NKAIN2: variants seen among roughly 807,000 people sequenced by gnomAD.
The protein encoded by NKAIN2 is sodium/potassium-transporting ATPase subunit beta-1-interacting protein 2.
In NKAIN2, 14 loss-of-function variants were observed where a neutral mutation model predicts 32.6. The observed-to-expected ratio is 0.43, with a 90% confidence interval of 0.28 to 0.67. The LOEUF is 0.67. Among genes scored for constraint, NKAIN2 ranks in the 30% least tolerant of loss-of-function variants. NKAIN2 has a pLI of 0.17. For synonymous variants in NKAIN2, 80 were observed against 87.2 expected, an observed-to-expected ratio of 0.92 and a Z score of 0.46; for missense variants, 198 against 258.3, an observed-to-expected ratio of 0.77 and a Z score of 1.60.
rs1554222371 is a variant in NKAIN2 at position 123,911,809 on chromosome 6, A to ATATATATATG, written c.54+107559_54+107560insTATATGTATA. On this transcript the variant is annotated intron_variant, in intron 1 of 6. Coordinates refer to ENST00000368417, the MANE Select transcript of NKAIN2 (RefSeq NM_001040214.3). ...TATATATATATATATATGTATATAT[A>ATATATATATG]TATACACACACACACACACACACAC... 3.0e-3 allele frequency among the ~76,000 whole-genome samples: 310 copies of ATATATATATG among 102,000 alleles called. 8 individuals carry two copies. Among genetic ancestry groups the ATATATATATG allele is most frequent in the African/African-American group, 0.014 (291 of 21,388 alleles). 66.9% of individuals were successfully genotyped at this position (102,000 alleles called of 152,430 possible).
intron 3 of NKAIN2, among the ~76,000 whole-genome samples, chr6:124,398,019 C>T (rs905709155): frequency 6.6e-6 from 1 of 151,422 alleles, no homozygotes; most frequent in South Asian, 2.1e-4. Context: ...TTTGGGAGGC[C>T]GAGGCGGGCG....
At chr6:124,392,538 G>A (rs1030995930) in intron 3 of NKAIN2, among the ~76,000 whole-genome samples, 2 of 152,102 alleles carry the variant, frequency 1.3e-5, no homozygotes, top group South Asian at 4.1e-4. Flanking sequence ...GTGTGTGTGC[G>A]CTTGTGTGTA....
intron 3 of NKAIN2, among the ~76,000 whole-genome samples, chr6:124,500,375 G>A (rs1382486663): frequency 6.6e-6 from 1 of 151,884 alleles, no homozygotes. Flanking sequence ...ATGGCCAGGT[G>A]CGGTGGCTCG....
intron 1 of NKAIN2, among the ~76,000 whole-genome samples, chr6:124,138,093 A>G (rs1474252842): frequency 1.3e-5 from 2 of 152,240 alleles, no homozygotes; most frequent in Non-Finnish European, 2.9e-5. Flanking sequence ...AAATATCTGC[A>G]AACTATGCAT....
intron 1 of NKAIN2, among the ~76,000 whole-genome samples, chr6:124,015,136 A>G (rs1394756903): frequency 6.6e-6 from 1 of 152,120 alleles, no homozygotes; most frequent in African/African-American, 2.4e-5. Flanking sequence ...CTGTCCAAAT[A>G]CCATTTCTCT....
At chr6:124,639,758 C>T (rs574127513) in intron 3 of NKAIN2, among the ~76,000 whole-genome samples, 3 of 152,180 alleles carry the variant, frequency 2.0e-5, no homozygotes, top group Non-Finnish European at 4.4e-5. Context: ...TGTTCTCACT[C>T]GTATGTGCGA....
chr6:124,667,626 A>C (rs951957610), intron 4 of NKAIN2, among the ~76,000 whole-genome samples: 2 of 152,136 alleles, frequency 1.3e-5, no homozygotes, highest in African/African-American at 4.8e-5. Flanking sequence ...AATTTCTTAA[A>C]AATATATCTT....
intron 2 of NKAIN2, among the ~76,000 whole-genome samples, chr6:124,354,857 A>AAC (rs1798896898): frequency 6.7e-6 from 1 of 149,664 alleles, no homozygotes; most frequent in Non-Finnish European, 1.5e-5. Context: ...AAAAAAAAAA[A>AAC]AAAAACTCAA....
intron 4 of NKAIN2, among the ~76,000 whole-genome samples, chr6:124,700,870 T>TCACACACACACACACACA (rs1562331736): frequency 1.7e-5 from 2 of 114,696 alleles, no homozygotes; most frequent in African/African-American, 7.0e-5. Flanking sequence ...GTCTCTTTCC[T>TCACACACACACACACACA]GACACACACA....
At chr6:124,768,025 A>C (rs1279700997) in intron 4 of NKAIN2, among the ~76,000 whole-genome samples, 1 of 152,184 alleles carries the variant, frequency 6.6e-6, no homozygotes, top group Non-Finnish European at 1.5e-5. Context: ...AATTACATTA[A>C]ATTTATAATT....
At chr6:124,275,944 A>G (rs9491102) in intron 1 of NKAIN2, among the ~76,000 whole-genome samples, 5,988 of 152,142 alleles carry the variant, frequency 0.039, 186 homozygotes, top group East Asian at 0.17. Context: ...ACATCCCCAT[A>G]TTGTAGATGA....
intron 3 of NKAIN2, among the ~76,000 whole-genome samples, chr6:124,387,592 G>T (rs1367872883): frequency 6.6e-6 from 1 of 152,024 alleles, no homozygotes; most frequent in Admixed American, 6.6e-5. Context: ...CAAAATTCCA[G>T]TCTAATGTTT....
At chr6:123,903,758 T>C (rs1774720416) in intron 1 of NKAIN2, among the ~76,000 whole-genome samples, 1 of 152,170 alleles carries the variant, frequency 6.6e-6, no homozygotes, top group Non-Finnish European at 1.5e-5. Flanking sequence ...ATGACCAAAA[T>C]TTAGTAATAT....
intron 3 of NKAIN2, among the ~76,000 whole-genome samples, chr6:124,561,619 CT>C (rs992687235): frequency 2.0e-5 from 3 of 152,018 alleles, no homozygotes; most frequent in Admixed American, 1.3e-4. Flanking sequence ...TCTTCTTCTT[CT>C]TTTTTTTCAT....
intron 4 of NKAIN2, among the ~76,000 whole-genome samples, chr6:124,719,138 T>G (rs2114626992): frequency 6.6e-6 from 1 of 152,244 alleles, no homozygotes; most frequent in African/African-American, 2.4e-5. Context: ...AAATAGACTG[T>G]TTTTTTCCAT....
chr6:124,483,999 A>G (rs1310552837), intron 3 of NKAIN2, among the ~76,000 whole-genome samples: 1 of 152,258 alleles, frequency 6.6e-6, no homozygotes, highest in African/African-American at 2.4e-5. Context: ...ATTTTAGATC[A>G]GAAAGTCAGC....
chr6:124,653,515 G>A (rs887481325), intron 3 of NKAIN2, among the ~76,000 whole-genome samples: 14 of 148,398 alleles, frequency 9.4e-5, no homozygotes, highest in Admixed American at 1.3e-4. Flanking sequence ...CTCAAAATGG[G>A]TCAAAGACCT....
rs138677017 is a variant in NKAIN2 at position 124,611,525 on chromosome 6, G to A, written c.274-46661G>A. 3.2e-4 allele frequency among the ~76,000 whole-genome samples: 48 copies of A among 152,006 alleles called. No individual in the cohort carries two copies. In the East Asian group the frequency reaches 8.5e-3, roughly 27 times the overall value. On this transcript the variant is annotated intron_variant, in intron 3 of 6. Transcript: ENST00000368417. ...GTATTTGTCCTAATGCTCTCCCTTCGCTTGCCCCCACCTCCCGACAGGCCC... is the reference window on the plus strand; with the variant it reads ...GTATTTGTCCTAATGCTCTCCCTTCACTTGCCCCCACCTCCCGACAGGCCC...
chr6:124,228,672 TC>T (rs1792251496), intron 1 of NKAIN2, among the ~76,000 whole-genome samples: 2 of 152,144 alleles, frequency 1.3e-5, no homozygotes, highest in South Asian at 4.1e-4. Flanking sequence ...TATGCTGAGG[TC>T]CTTTGTAAGC....
Sources: allele counts gnomAD v4.1 joint callset (sites outside exome capture counted in the v4.1 genomes callset), GRCh38; gene constraint gnomAD v4.1.1; transcripts MANE v1.5; gene names NCBI Gene and HGNC (gene_info 2026-07-23, HGNC 2026-07-21).